GLIS1: variants seen among roughly 807,000 people sequenced by gnomAD.
The protein encoded by GLIS1 is GLIS family zinc finger 1.
A neutral mutation model predicts 63.8 loss-of-function variants in GLIS1; 24 were observed. The ratio of observed to expected loss-of-function variants is 0.38; its 90% confidence interval spans 0.27 to 0.53. GLIS1 has a LOEUF of 0.53. GLIS1 is among the 20% of genes least tolerant of loss of function. GLIS1 has a pLI of 0.85. For synonymous variants in GLIS1, 450 were observed against 482.5 expected (o/e 0.93, Z 0.88); for missense variants, 1,036 against 1,074.1 (o/e 0.96, Z 0.50).
At chr1:53,575,889 A>G (rs1392077788) in intron 4 of GLIS1, among the ~76,000 whole-genome samples, 1 of 152,072 alleles carries the variant, frequency 6.6e-6, no homozygotes, top group Non-Finnish European at 1.5e-5. Context: ...TCAGGAGGAG[A>G]TCAAAGAGGG....
At position 53,518,418 on chromosome 1, in the gene GLIS1, C is replaced by G. The variant is rs113546341; in HGVS notation, c.1726+2216G>C. Among the ~76,000 whole-genome samples the G allele has an allele frequency of 3.0e-3, 455 of 152,290 alleles. 4 individuals carry two copies. Among genetic ancestry groups the G allele is most frequent in the African/African-American group, 0.01 (430 of 41,548 alleles). On this transcript the variant is annotated intron_variant, in intron 7 of 10. Transcript: ENST00000628545. ...TCCACGCACAGTCCCTGGAGCAGCA[C>G]CTGGCACACAGTCAATATGTGCTGG...
chr1:53,506,580 T>C lies in GLIS1; in HGVS notation c.*39A>G, dbSNP rs1644234038. ...GCGACAGCAGGTGGGCGAGGTGGCA[T>C]CTGCAGTGCTGGATGGGCAGGCGCA... On this transcript the variant is annotated 3_prime_UTR_variant, in exon 11 of 11. Transcript: ENST00000628545. 1.2e-6 allele frequency: 2 copies of C among 1,601,314 alleles called. No individual in the cohort carries two copies. The highest frequency in any genetic ancestry group is 1.7e-6 in the Non-Finnish European group (2 of 1,170,702).
intron 2 of GLIS1, among the ~76,000 whole-genome samples, chr1:53,684,075 G>A (rs1646304473): frequency 6.6e-6 from 1 of 152,134 alleles, no homozygotes; most frequent in Admixed American, 6.5e-5. Context: ...CATTCCAGCT[G>A]GGAGGTTAAG....
intron 2 of GLIS1, among the ~76,000 whole-genome samples, chr1:53,670,245 G>A (rs756619786): frequency 1.3e-4 from 20 of 152,194 alleles, no homozygotes; most frequent in Non-Finnish European, 2.1e-4. Flanking sequence ...CCAGAGTCAC[G>A]AAGCACCTGG....
At chr1:53,520,072 G>C (rs1220340829) in intron 7 of GLIS1, among the ~76,000 whole-genome samples, 1 of 152,218 alleles carries the variant, frequency 6.6e-6, no homozygotes, top group Non-Finnish European at 1.5e-5. Flanking sequence ...ACAGTCTGGT[G>C]GGGGAGACAG....
intron 6 of GLIS1, among the ~76,000 whole-genome samples, chr1:53,522,986 C>CTTTTTCTTTTTCT (rs760283252): frequency 2.3e-4 from 10 of 43,686 alleles, no homozygotes; most frequent in African/African-American, 3.1e-4. Context: ...TCTTTTCTTT[C>CTTTTTCTTTTTCT]TTTTTTTTTT....
At chr1:53,727,144 G>A (rs183117518) in intron 2 of GLIS1, among the ~76,000 whole-genome samples, 199 of 152,318 alleles carry the variant, frequency 1.3e-3, no homozygotes, top group Middle Eastern at 0.01. Flanking sequence ...ACTCAGTTCC[G>A]ACTCTAAAAG....
In GLIS1 at chr1:53,509,087, C is replaced by T. The variant is rs755177966; in HGVS notation, c.2230+33G>A. 3 of 1,525,654 alleles carry T rather than the reference C, an allele frequency of 2.0e-6. No homozygotes were observed. In the African/African-American group the frequency reaches 4.1e-5, roughly 21 times the overall value. The allele number at this position is 1,525,654 out of a possible 1,614,324, so 94.5% of individuals were successfully genotyped here. On this transcript the variant is annotated intron_variant, in intron 10 of 10. Transcript: ENST00000628545. ...GCACTGGGTTGAGCCTCGGCAGGTG[C>T]CCAGGACTGGGAGCCACGCAGGCAG...
intron 2 of GLIS1, among the ~76,000 whole-genome samples, chr1:53,669,647 T>G (rs1044491025): frequency 6.6e-6 from 1 of 152,210 alleles, no homozygotes; most frequent in African/African-American, 2.4e-5. Context: ...GTGGACCTTA[T>G]AGGCTGCAGG....
chr1:53,532,340 A>T (rs1050218582), intron 4 of GLIS1, among the ~76,000 whole-genome samples: 4 of 152,160 alleles, frequency 2.6e-5, no homozygotes, highest in Non-Finnish European at 5.9e-5. Context: ...GCTCAGACAG[A>T]TATGAGAGAC....
intron 4 of GLIS1, among the ~76,000 whole-genome samples, chr1:53,544,615 C>A (rs1644679508): frequency 1.3e-5 from 2 of 152,242 alleles, no homozygotes; most frequent in Admixed American, 1.3e-4. Context: ...CGCCGACTGA[C>A]CTCTGGGGAC....
intron 5 of GLIS1, among the ~76,000 whole-genome samples, chr1:53,528,767 G>C (rs1282070620): frequency 6.6e-6 from 1 of 152,086 alleles, no homozygotes; most frequent in Non-Finnish European, 1.5e-5. Context: ...CCTCATCTGT[G>C]AACTGGACGG....
At chr1:53,701,152 G>A (rs190479663) in intron 2 of GLIS1, among the ~76,000 whole-genome samples, 2 of 152,308 alleles carry the variant, frequency 1.3e-5, no homozygotes, top group South Asian at 2.1e-4. Context: ...TGTAGCTGGG[G>A]GGTCAAATGG....
At chr1:53,728,152 T>C (rs1646823889) in intron 2 of GLIS1, among the ~76,000 whole-genome samples, 1 of 151,934 alleles carries the variant, frequency 6.6e-6, no homozygotes, top group Non-Finnish European at 1.5e-5. Flanking sequence ...GAAATTGCCA[T>C]AGAGTATGAG....
intron 2 of GLIS1, among the ~76,000 whole-genome samples, chr1:53,613,774 A>T (rs1273780020): frequency 3.3e-5 from 5 of 152,218 alleles, no homozygotes; most frequent in Admixed American, 6.5e-5. Flanking sequence ...ATGATTTATG[A>T]GGCAGTCACT....
At chr1:53,685,740 T>C (rs948222681) in intron 2 of GLIS1, among the ~76,000 whole-genome samples, 1 of 152,042 alleles carries the variant, frequency 6.6e-6, no homozygotes, top group African/African-American at 2.4e-5. Context: ...TCCTAACCCA[T>C]CCCCTCCTCT....
chr1:53,644,759 G>A (rs1425762978), intron 2 of GLIS1, among the ~76,000 whole-genome samples: 1 of 152,132 alleles, frequency 6.6e-6, no homozygotes, highest in Admixed American at 6.5e-5. Context: ...CCCGGGGTCC[G>A]GCATCATCCC....
chr1:53,538,505 C>T (rs1644605318), intron 4 of GLIS1, among the ~76,000 whole-genome samples: 1 of 152,172 alleles, frequency 6.6e-6, no homozygotes, highest in Admixed American at 6.5e-5. Context: ...CTGGGTTCAC[C>T]TCCAGTGCCG....
At position 53,594,574 on chromosome 1, in the gene GLIS1, G is replaced by A. The variant is rs779530774; in HGVS notation, c.854C>T (p.Thr285Met). ...CTTGGAAGGGCCCCCCAGATCTCCC[G>A]TCAGAGGGGGGCTCCGGAGTCCATT... is the stretch of plus-strand genomic sequence containing the variant. The part of the protein sequence containing the change: ...CVNGLRSPPL[T>M]GDLGGPSKRA... The change falls in exon 4 of 11, where the codon ACG becomes ATG. Residue 285 changes from threonine (T) to methionine (M), a missense_variant. Thr to Met is a moderately conservative substitution (Grantham distance 81, BLOSUM62 -1). This residue lies in a region of GLIS1 where 592 missense variants were observed against 593.9 expected (regional missense o/e 1.00). Transcript: ENST00000628545. 6.9e-6 allele frequency: 11 copies of A among 1,597,196 alleles called. No homozygotes were observed. Among genetic ancestry groups the A allele is most frequent in the East Asian group, 2.2e-5 (1 of 44,462 alleles).
Sources: allele counts gnomAD v4.1 joint callset (sites outside exome capture counted in the v4.1 genomes callset), GRCh38; gene constraint gnomAD v4.1.1; regional missense constraint gnomAD v4.1.1; transcripts MANE v1.5; gene names NCBI Gene and HGNC (gene_info 2026-07-23, HGNC 2026-07-21).